The following ACAP2 variants were observed in gnomAD, a reference collection of about 807,000 sequenced individuals.
The protein encoded by ACAP2 is ArfGAP with coiled-coil, ankyrin repeat and PH domains 2, also known as arf-GAP with coiled-coil, ANK repeat and PH domain-containing protein 2.
A neutral mutation model predicts 115.8 loss-of-function variants in ACAP2; 39 were observed. The observed-to-expected ratio is 0.34, with a 90% CI of 0.26 to 0.44. The LOEUF (loss-of-function observed/expected upper bound fraction) is 0.44. Among genes scored for constraint, ACAP2 ranks in the 20% least tolerant of loss-of-function variants. ACAP2 has a pLI of 1.00. For missense variants in ACAP2, 662 were observed against 927.6 expected, an observed-to-expected ratio of 0.71 and a Z score of 3.72; for synonymous variants, 289 against 315.8, an observed-to-expected ratio of 0.92 and a Z score of 0.90.
chr3:195,326,955 T>C lies in ACAP2; in HGVS notation c.674A>G (p.Asp225Gly). Residue 225 changes from aspartate (D) to glycine (G), a missense_variant, in exon 9 of 23, where the codon GAT becomes GGT. This residue lies in a region of ACAP2 where 401 missense variants were observed against 604.4 expected (regional missense o/e 0.66). Coordinates refer to ENST00000326793, the MANE Select transcript of ACAP2 (RefSeq NM_012287.6). ...PYMKDLGAQLDRLVVDAAKEK... is the reference protein window; with the variant it reads ...PYMKDLGAQLGRLVVDAAKEK... Reference sequence around the variant, plus strand: ...CTTTGCTGCATCCACAACCAGTCGATCCAACTGTAAAAAGGGAAAAGAGAA... The same window carrying C: ...CTTTGCTGCATCCACAACCAGTCGACCCAACTGTAAAAAGGGAAAAGAGAA... 2.5e-6 allele frequency: 4 copies of C among 1,613,652 alleles called. No homozygotes were observed. Among genetic ancestry groups the C allele is most frequent in the Non-Finnish European group, 3.4e-6 (4 of 1,179,800 alleles).
At chr3:195,364,003 T>C (rs971173539) in intron 4 of ACAP2, among the ~76,000 whole-genome samples, 2 of 152,104 alleles carry the variant, frequency 1.3e-5, no homozygotes, top group African/African-American at 4.8e-5. Flanking sequence ...ATGAAACTAC[T>C]AAAAGAAAAC....
chr3:195,331,387 A>G (rs969109471), intron 8 of ACAP2, among the ~76,000 whole-genome samples: 2 of 151,786 alleles, frequency 1.3e-5, no homozygotes, highest in Admixed American at 1.3e-4. Context: ...GCTGGAGTAC[A>G]ATGGCCCGAT....
chr3:195,377,767 C>G (rs1364579013), intron 4 of ACAP2, among the ~76,000 whole-genome samples: 3 of 152,136 alleles, frequency 2.0e-5, no homozygotes, highest in Admixed American at 2.0e-4. Flanking sequence ...CTCACAATTT[C>G]ATTTTTATAT....
chr3:195,326,614 A>C (rs564026388), intron 9 of ACAP2: 1 of 344,040 alleles, frequency 2.9e-6, no homozygotes, highest in South Asian at 4.0e-5. Context: ...TTCTAACTAA[A>C]GGCCACTTTT....
intron 1 of ACAP2, among the ~76,000 whole-genome samples, chr3:195,438,614 T>C (rs1484563640): frequency 6.6e-6 from 1 of 152,180 alleles, no homozygotes; most frequent in Non-Finnish European, 1.5e-5. Flanking sequence ...CTCATACCTG[T>C]AATCCCAGCT....
At chr3:195,310,535 A>G (rs1469077630) in intron 10 of ACAP2, among the ~76,000 whole-genome samples, 1 of 152,268 alleles carries the variant, frequency 6.6e-6, no homozygotes, top group East Asian at 1.9e-4. Flanking sequence ...GTAGTCATAC[A>G]AAATCATTTG....
chr3:195,434,456 A>C (rs1189200062), intron 1 of ACAP2, among the ~76,000 whole-genome samples: 1 of 151,686 alleles, frequency 6.6e-6, no homozygotes, highest in Non-Finnish European at 1.5e-5. Flanking sequence ...TGCCCAGACT[A>C]AACCCCTGGG....
At chr3:195,434,944 A>ATTTTT in intron 1 of ACAP2, among the ~76,000 whole-genome samples, 1 of 150,416 alleles carries the variant, frequency 6.6e-6, no homozygotes, top group African/African-American at 2.5e-5. Context: ...CTCTTGAATG[A>ATTTTT]AGTAATCTGA....
chr3:195,286,838 T>C (rs1466969415), intron 21 of ACAP2, among the ~76,000 whole-genome samples: 1 of 152,266 alleles, frequency 6.6e-6, no homozygotes, highest in African/African-American at 2.4e-5. Context: ...AAGGGTCCAC[T>C]GCTATATAGG....
At chr3:195,304,858 A>G (rs1028851543) in intron 13 of ACAP2, among the ~76,000 whole-genome samples, 3 of 152,330 alleles carry the variant, frequency 2.0e-5, no homozygotes, top group African/African-American at 7.2e-5. Context: ...AGAGTTTCCA[A>G]AGAAGTTTTT....
intron 4 of ACAP2, among the ~76,000 whole-genome samples, chr3:195,353,183 A>G (rs1039388669): frequency 6.6e-6 from 1 of 152,136 alleles, no homozygotes; most frequent in Non-Finnish European, 1.5e-5. Flanking sequence ...AGGACACTCA[A>G]GCATCCCTGC....
chr3:195,286,193 C>G (rs539067084), intron 21 of ACAP2, among the ~76,000 whole-genome samples: 1 of 152,320 alleles, frequency 6.6e-6, no homozygotes, highest in South Asian at 2.1e-4. Flanking sequence ...TAACTGCCAA[C>G]TGTTGAAATT....
intron 20 of ACAP2, 53 bp from the exon 21 acceptor site, chr3:195,289,284 G>A: frequency 7.9e-7 from 1 of 1,258,250 alleles, no homozygotes; most frequent in Non-Finnish European, 1.1e-6. Context: ...AAAAAAATTA[G>A]TATTCACCTT....
intron 17 of ACAP2, 40 bp from the exon 18 acceptor site, chr3:195,294,851 C>A (rs763191757): frequency 7.6e-7 from 1 of 1,323,468 alleles, no homozygotes; most frequent in Non-Finnish European, 1.1e-6. Context: ...AAAGTTCATG[C>A]CATTTAGAAA....
chr3:195,283,318 C>T (rs545958944), intron 22 of ACAP2, among the ~76,000 whole-genome samples: 2 of 152,270 alleles, frequency 1.3e-5, no homozygotes, highest in Non-Finnish European at 2.9e-5. Context: ...AATCACCCCA[C>T]GCAAGAAACA....
chr3:195,408,625 T>C (rs1318911586), intron 1 of ACAP2, among the ~76,000 whole-genome samples: 2 of 152,118 alleles, frequency 1.3e-5, no homozygotes, highest in African/African-American at 4.8e-5. Flanking sequence ...ATTACCCTGA[T>C]ACCAAAGCCA....
intron 10 of ACAP2, among the ~76,000 whole-genome samples, chr3:195,316,377 G>C (rs1247885934): frequency 6.6e-6 from 1 of 151,856 alleles, no homozygotes; most frequent in African/African-American, 2.4e-5. Flanking sequence ...CTATATTCAT[G>C]TACTATTCTT....
chr3:195,361,477 A>G (rs568070636), intron 4 of ACAP2, among the ~76,000 whole-genome samples: 41 of 152,060 alleles, frequency 2.7e-4, no homozygotes, highest in African/African-American at 9.9e-4. Flanking sequence ...ATTGAAGCAA[A>G]TGATAATGGA....
At chr3:195,350,707 G>A (rs1390887216) in intron 4 of ACAP2, among the ~76,000 whole-genome samples, 5 of 151,034 alleles carry the variant, frequency 3.3e-5, no homozygotes, top group African/African-American at 9.7e-5. Context: ...AATTACCCAC[G>A]CATATGGTCA....
Sources: allele counts gnomAD v4.1 joint callset (sites outside exome capture counted in the v4.1 genomes callset), GRCh38; gene constraint gnomAD v4.1.1; regional missense constraint gnomAD v4.1.1; transcripts MANE v1.5; gene names NCBI Gene and HGNC (gene_info 2026-07-23, HGNC 2026-07-21).